ITGA9: variants seen among roughly 807,000 people sequenced by gnomAD.
The protein encoded by ITGA9 is integrin subunit alpha 9.
ITGA9 carries 56 observed loss-of-function variants against 127.8 expected under a neutral mutation model. The observed-to-expected ratio is 0.44, with a 90% CI of 0.35 to 0.55. ITGA9 has a LOEUF of 0.55. Among genes scored for constraint, ITGA9 ranks in the 20% least tolerant of loss-of-function variants. The probability of loss-of-function intolerance (pLI) is 0.00; values close to 1 mark genes in which losing one functional copy is unlikely to be tolerated. For missense variants in ITGA9, 1,196 were observed against 1,347.1 expected, an observed-to-expected ratio of 0.89 and a Z score of 1.76; for synonymous variants, 508 against 514.5, an observed-to-expected ratio of 0.99 and a Z score of 0.17.
chr3:37,770,190 C>T (rs1696826215), intron 23 of ITGA9, among the ~76,000 whole-genome samples: 1 of 152,208 alleles, frequency 6.6e-6, no homozygotes, highest in African/African-American at 2.4e-5. Context: ...CTTCTGAGAG[C>T]AGTACCCTCC....
At chr3:37,805,693 G>T (rs955335879) in intron 27 of ITGA9, 10 of 152,168 alleles carry the variant, frequency 6.6e-5, no homozygotes, top group African/African-American at 2.4e-4. Flanking sequence ...ATGGAGTTTT[G>T]CTCTTGTCTC....
intron 15 of ITGA9, among the ~76,000 whole-genome samples, chr3:37,571,214 C>T (rs996321288): frequency 1.4e-5 from 2 of 146,250 alleles, no homozygotes; most frequent in Non-Finnish European, 3.1e-5. Flanking sequence ...CTGGAGGCAG[C>T]GTATCACACA....
intron 15 of ITGA9, among the ~76,000 whole-genome samples, chr3:37,604,877 G>A (rs1305719961): frequency 6.6e-6 from 1 of 152,086 alleles, no homozygotes; most frequent in East Asian, 1.9e-4. Context: ...TCATGGGTGA[G>A]GCCTAAGAAA....
At chr3:37,750,335 C>T (rs1696567151) in intron 22 of ITGA9, 127 bp from the exon 23 acceptor site, 1 of 697,422 alleles carries the variant, frequency 1.4e-6, no homozygotes, top group African/African-American at 1.8e-5. Context: ...AAGTTGTGAC[C>T]TTCCAGATCC....
chr3:37,603,453 G>A (rs1240815959), intron 15 of ITGA9, among the ~76,000 whole-genome samples: 1 of 152,150 alleles, frequency 6.6e-6, no homozygotes, highest in Non-Finnish European at 1.5e-5. Context: ...TGTTCTTGGG[G>A]TTTGGTGTCA....
chr3:37,553,832 T>C (rs1699402796), intron 15 of ITGA9, among the ~76,000 whole-genome samples: 1 of 152,162 alleles, frequency 6.6e-6, no homozygotes, highest in Non-Finnish European at 1.5e-5. Context: ...CATAATATCT[T>C]TGGTCTTCAC....
At chr3:37,754,687 A>G (rs1178223565) in intron 23 of ITGA9, among the ~76,000 whole-genome samples, 1 of 152,214 alleles carries the variant, frequency 6.6e-6, no homozygotes, top group Non-Finnish European at 1.5e-5. Context: ...ATTGACTTCA[A>G]TATGGCATGA....
intron 26 of ITGA9, among the ~76,000 whole-genome samples, chr3:37,787,691 T>C (rs1487247474): frequency 6.6e-6 from 1 of 152,228 alleles, no homozygotes; most frequent in African/African-American, 2.4e-5. Flanking sequence ...CGATCTTCCC[T>C]GCGTGATTCT....
intron 15 of ITGA9, among the ~76,000 whole-genome samples, chr3:37,589,458 AG>A (rs1699792346): frequency 6.6e-6 from 1 of 152,226 alleles, no homozygotes; most frequent in South Asian, 2.1e-4. Context: ...ATTAACATGG[AG>A]ATATAGAACA....
At chr3:37,478,925 A>G (rs1403345189) in intron 3 of ITGA9, among the ~76,000 whole-genome samples, 1 of 152,202 alleles carries the variant, frequency 6.6e-6, no homozygotes, top group Non-Finnish European at 1.5e-5. Flanking sequence ...AAATGAGACA[A>G]TACACCAGAC....
At chr3:37,678,734 G>A (rs1169945423) in intron 17 of ITGA9, among the ~76,000 whole-genome samples, 1 of 152,162 alleles carries the variant, frequency 6.6e-6, no homozygotes, top group Non-Finnish European at 1.5e-5. Context: ...AAAATTATCT[G>A]GATAGAAGAG....
chr3:37,520,402 A>G (rs925772683), intron 11 of ITGA9, among the ~76,000 whole-genome samples: 1 of 152,124 alleles, frequency 6.6e-6, no homozygotes, highest in African/African-American at 2.4e-5. Context: ...TCCACCATTT[A>G]TTTATCCACG....
intron 16 of ITGA9, among the ~76,000 whole-genome samples, chr3:37,645,666 A>G (rs1700370263): frequency 1.3e-5 from 2 of 152,168 alleles, no homozygotes; most frequent in Admixed American, 6.5e-5. Flanking sequence ...TTTAGGCCTC[A>G]GCATGGGATT....
chr3:37,575,244 AG>A (rs777066962), intron 15 of ITGA9, among the ~76,000 whole-genome samples: 1 of 152,112 alleles, frequency 6.6e-6, no homozygotes, highest in Non-Finnish European at 1.5e-5. Context: ...TGGGGGCTGC[AG>A]GGGTCTGCAG....
intron 18 of ITGA9, among the ~76,000 whole-genome samples, chr3:37,708,698 C>CCCACACAACAAGGAATTATCCAA (rs1559574552): frequency 0.016 from 32 of 2,004 alleles, no homozygotes; most frequent in South Asian, 0.045. Context: ...TTATCCAGCC[C>CCCACACAACAAGGAATTATCCAA]CAATGCCAAC....
At chr3:37,758,761 A>G (rs1053967193) in intron 23 of ITGA9, among the ~76,000 whole-genome samples, 1 of 152,074 alleles carries the variant, frequency 6.6e-6, no homozygotes, top group Non-Finnish European at 1.5e-5. Flanking sequence ...TAAAAAAAAA[A>G]GTATCCTATT....
At chr3:37,719,859 G>T (rs564951238) in intron 18 of ITGA9, among the ~76,000 whole-genome samples, 2 of 152,306 alleles carry the variant, frequency 1.3e-5, no homozygotes, top group Admixed American at 1.3e-4. Flanking sequence ...TAAGGGCCGT[G>T]TGAATAGACA....
intron 15 of ITGA9, among the ~76,000 whole-genome samples, chr3:37,596,397 TG>T (rs1436947230): frequency 6.6e-6 from 1 of 152,096 alleles, no homozygotes; most frequent in African/African-American, 2.4e-5. Flanking sequence ...GCTGATGGGC[TG>T]GGGGGTGTTT....
chr3:37,576,995 A>G (rs1266340513), intron 15 of ITGA9, among the ~76,000 whole-genome samples: 1 of 152,238 alleles, frequency 6.6e-6, no homozygotes, highest in South Asian at 2.1e-4. Context: ...TGTGGCTAGG[A>G]CACCATGTGG....
Sources: gnomAD v4.1 joint callset for allele counts (sites outside exome capture counted in the v4.1 genomes callset) on GRCh38, gnomAD v4.1.1 for gene constraint, MANE v1.5 for transcripts, NCBI Gene and HGNC (gene_info 2026-07-23, HGNC 2026-07-21) for gene names.